Variants in TMEM108 observed in about 807,000 individuals in gnomAD.
TMEM108 encodes the protein transmembrane protein 108.
TMEM108 carries 12 observed loss-of-function variants against 35.1 expected under a neutral mutation model. The observed-to-expected ratio is 0.34, with a 90% CI of 0.22 to 0.55. TMEM108 has a LOEUF of 0.55. Among genes scored for constraint, TMEM108 ranks in the 20% least tolerant of loss-of-function variants. TMEM108 has a pLI of 0.89. For missense variants in TMEM108, 680 were observed against 753.3 expected (o/e 0.90, Z 1.14); for synonymous variants, 287 against 308.6 (o/e 0.93, Z 0.73).
chr3:133,096,336 A>G (rs2107711311), intron 2 of TMEM108, among the ~76,000 whole-genome samples: 1 of 152,192 alleles, frequency 6.6e-6, no homozygotes. Flanking sequence ...TTTTTAAAAA[A>G]TTTTTGTAGA....
chr3:133,128,821 A>G (rs1197825002), intron 2 of TMEM108, among the ~76,000 whole-genome samples: 1 of 152,170 alleles, frequency 6.6e-6, no homozygotes, highest in African/African-American at 2.4e-5. Context: ...TACTTCAGGA[A>G]ACTTCATTGT....
chr3:133,388,680 C>G, intron 4 of TMEM108: 5 of 985,446 alleles, frequency 5.1e-6, no homozygotes, highest in Non-Finnish European at 3.6e-6. Flanking sequence ...GAAACTTACC[C>G]TATCTCCTAA....
At chr3:133,223,706 G>C (rs889156926) in intron 2 of TMEM108, among the ~76,000 whole-genome samples, 20 of 152,124 alleles carry the variant, frequency 1.3e-4, no homozygotes, top group African/African-American at 4.6e-4. Context: ...TAGTAAGTTA[G>C]TTCAGTAAGG....
At chr3:133,321,261 C>G (rs1187848058) in intron 3 of TMEM108, among the ~76,000 whole-genome samples, 3 of 152,176 alleles carry the variant, frequency 2.0e-5, no homozygotes, top group Non-Finnish European at 4.4e-5. Context: ...TATGTGCTGT[C>G]TTCAAGAGAC....
chr3:133,345,570 G>C (rs1394426792), intron 3 of TMEM108, among the ~76,000 whole-genome samples: 3 of 151,582 alleles, frequency 2.0e-5, no homozygotes, highest in Admixed American at 6.6e-5. Flanking sequence ...ACAAAAATAA[G>C]AGTTACAAAC....
At chr3:133,378,434 TCTGAGAGAGTAATTAGACGCA>T (rs1380172580) in intron 3 of TMEM108, 28 of 985,366 alleles carry the variant, frequency 2.8e-5, no homozygotes, top group African/African-American at 3.5e-5. Flanking sequence ...GGAAAGACGC[TCTGAGAGAGTAATTAGACGCA>T]GACAGAGATC....
At chr3:133,352,954 T>C (rs1221430155) in intron 3 of TMEM108, among the ~76,000 whole-genome samples, 2 of 152,170 alleles carry the variant, frequency 1.3e-5, no homozygotes, top group Non-Finnish European at 2.9e-5. Context: ...ATCACTTGGT[T>C]GGTTCCCCTG....
chr3:133,324,085 A>C (rs2071299760), intron 3 of TMEM108, among the ~76,000 whole-genome samples: 1 of 152,186 alleles, frequency 6.6e-6, no homozygotes, highest in Admixed American at 6.5e-5. Flanking sequence ...AGAAGATAAC[A>C]TCAGAAAAAC....
chr3:133,185,515 C>T (rs1269280323), intron 2 of TMEM108, among the ~76,000 whole-genome samples: 1 of 150,388 alleles, frequency 6.6e-6, no homozygotes, highest in East Asian at 2.0e-4. Context: ...AGCCTAATCT[C>T]AACTCTCTAT....
chr3:133,227,900 A>T (rs1274007307), intron 2 of TMEM108, among the ~76,000 whole-genome samples: 2 of 152,320 alleles, frequency 1.3e-5, no homozygotes, highest in Non-Finnish European at 2.9e-5. Context: ...TCTCAAAAAA[A>T]AACATAAAAT....
intron 3 of TMEM108, among the ~76,000 whole-genome samples, chr3:133,352,272 T>A (rs1225726295): frequency 2.0e-5 from 3 of 152,094 alleles, no homozygotes; most frequent in Admixed American, 6.5e-5. Context: ...TTTCAACCCT[T>A]TTACTAGATA....
At chr3:133,280,766 C>T (rs1946901207) in intron 3 of TMEM108, among the ~76,000 whole-genome samples, 1 of 152,162 alleles carries the variant, frequency 6.6e-6, no homozygotes, top group Admixed American at 6.6e-5. Context: ...TCACTCATGC[C>T]TCTGTGCTCA....
intron 3 of TMEM108, among the ~76,000 whole-genome samples, chr3:133,268,365 G>A (rs1216643380): frequency 6.6e-6 from 1 of 152,140 alleles, no homozygotes; most frequent in East Asian, 1.9e-4. Context: ...GACATTACCT[G>A]GGAGATTGTA....
chr3:133,260,304 A>T (rs9828565), intron 3 of TMEM108, among the ~76,000 whole-genome samples: 32,306 of 133,340 alleles, frequency 0.24, 4,099 homozygotes, highest in Middle Eastern at 0.38. Context: ...AAAAAAAAAA[A>T]TTTATTATCA....
chr3:133,233,260 A>G (rs897250896), intron 3 of TMEM108, among the ~76,000 whole-genome samples: 7 of 152,060 alleles, frequency 4.6e-5, no homozygotes, highest in Non-Finnish European at 7.4e-5. Flanking sequence ...TCATTGTTCA[A>G]TTCCCACCTA....
intron 2 of TMEM108, among the ~76,000 whole-genome samples, chr3:133,132,898 T>C (rs1168727886): frequency 2.0e-5 from 3 of 152,002 alleles, no homozygotes; most frequent in African/African-American, 7.2e-5. Flanking sequence ...ATGGATGACT[T>C]GGAAGAGTTT....
At chr3:133,349,381 G>C (rs988935449) in intron 3 of TMEM108, among the ~76,000 whole-genome samples, 3 of 151,936 alleles carry the variant, frequency 2.0e-5, no homozygotes, top group African/African-American at 7.3e-5. Flanking sequence ...AAAGAAAACA[G>C]GAGAGCAAAC....
intron 2 of TMEM108, among the ~76,000 whole-genome samples, chr3:133,203,610 T>A (rs1038095121): frequency 6.6e-6 from 1 of 152,200 alleles, no homozygotes; most frequent in Non-Finnish European, 1.5e-5. Context: ...TTGATTTGCA[T>A]ATGTTGAACC....
intron 3 of TMEM108, among the ~76,000 whole-genome samples, chr3:133,259,488 C>T (rs1017907606): frequency 6.6e-6 from 1 of 152,080 alleles, no homozygotes; most frequent in Non-Finnish European, 1.5e-5. Flanking sequence ...TGGTGTTATC[C>T]CCATTATACA....
Sources: gnomAD v4.1 joint callset for allele counts (sites outside exome capture counted in the v4.1 genomes callset) on GRCh38, gnomAD v4.1.1 for gene constraint, MANE v1.5 for transcripts, NCBI Gene and HGNC (gene_info 2026-07-23, HGNC 2026-07-21) for gene names.